The following RAB3C variants were observed in gnomAD, a reference collection of about 807,000 sequenced individuals.
RAB3C encodes the protein ras-related protein Rab-3C.
In RAB3C, 17 loss-of-function variants were observed where a neutral mutation model predicts 26.4. The observed-to-expected ratio is 0.64, with a 90% CI of 0.44 to 0.97. The LOEUF is 0.97. RAB3C is among the 50% of genes least tolerant of loss of function. The pLI is 0.00. For missense variants in RAB3C, 242 were observed against 281.9 expected (o/e 0.86, Z 1.01); for synonymous variants, 91 against 95.9 (o/e 0.95, Z 0.30).
intron 2 of RAB3C, among the ~76,000 whole-genome samples, chr5:58,703,167 T>G (rs1748882033): frequency 6.6e-6 from 1 of 152,144 alleles, no homozygotes; most frequent in African/African-American, 2.4e-5. Context: ...AATAAGATCT[T>G]GTTTATTCTT....
chr5:58,805,660 C>T lies in RAB3C; in HGVS notation c.372-19378C>T, dbSNP rs1318545132. 2.0e-5 allele frequency among the ~76,000 whole-genome samples: 3 copies of T among 148,292 alleles called. No homozygotes were observed. In the East Asian group the frequency reaches 5.9e-4, roughly 29 times the overall value. ...AAGAGATAGTATTCAAGGCAGAGAA[C>T]ATAGAAAAATGTTCCCAGATGATGA... is the stretch of plus-strand genomic sequence containing the variant. On this transcript the variant is annotated intron_variant, in intron 3 of 4. Coordinates refer to ENST00000282878, the MANE Select transcript of RAB3C (RefSeq NM_138453.4).
intron 3 of RAB3C, among the ~76,000 whole-genome samples, chr5:58,747,095 C>A (rs1208772975): frequency 6.6e-6 from 1 of 152,166 alleles, no homozygotes; most frequent in Non-Finnish European, 1.5e-5. Context: ...CCAGAACCAA[C>A]AACAAAATCT....
intron 2 of RAB3C, among the ~76,000 whole-genome samples, chr5:58,619,533 C>T (rs1419738392): frequency 6.6e-6 from 1 of 152,180 alleles, no homozygotes; most frequent in East Asian, 1.9e-4. Flanking sequence ...TCCCTTAACT[C>T]CATGACAATG....
At chr5:58,762,808 A>G (rs1741826215) in intron 3 of RAB3C, among the ~76,000 whole-genome samples, 1 of 152,210 alleles carries the variant, frequency 6.6e-6, no homozygotes, top group South Asian at 2.1e-4. Context: ...ATAACTAGCC[A>G]TCTGAGGAAA....
chr5:58,677,969 G>T (rs1445570100), intron 2 of RAB3C, among the ~76,000 whole-genome samples: 7 of 82,850 alleles, frequency 8.4e-5, no homozygotes, highest in African/African-American at 3.0e-4. Flanking sequence ...GTAGTAGCTA[G>T]ATTATTTTGT....
chr5:58,649,373 T>A (rs1206341333), intron 2 of RAB3C, among the ~76,000 whole-genome samples: 1 of 152,068 alleles, frequency 6.6e-6, no homozygotes, highest in Non-Finnish European at 1.5e-5. Context: ...CCAAACTCAC[T>A]GGCACTAACT....
intron 1 of RAB3C, among the ~76,000 whole-genome samples, chr5:58,616,636 C>G (rs1008567111): frequency 2.0e-5 from 3 of 152,148 alleles, no homozygotes; most frequent in Admixed American, 1.3e-4. Context: ...TATCGCTTTA[C>G]AGCTGTATCA....
At chr5:58,825,373 A>G (rs759889699) in intron 4 of RAB3C, among the ~76,000 whole-genome samples, 6 of 152,180 alleles carry the variant, frequency 3.9e-5, no homozygotes, top group Non-Finnish European at 8.8e-5. Flanking sequence ...AGAAGCAAAA[A>G]TGATACTCAG....
intron 2 of RAB3C, among the ~76,000 whole-genome samples, chr5:58,641,851 T>C (rs899563498): frequency 1.8e-4 from 28 of 152,230 alleles, no homozygotes; most frequent in African/African-American, 6.8e-4. Context: ...TTTTCTCCAC[T>C]TTTTGTTTTA....
intron 3 of RAB3C, among the ~76,000 whole-genome samples, chr5:58,821,366 A>G (rs1743337993): frequency 6.6e-6 from 1 of 152,238 alleles, no homozygotes; most frequent in African/African-American, 2.4e-5. Flanking sequence ...AATTACATGA[A>G]GAAATCTGAT....
intron 2 of RAB3C, among the ~76,000 whole-genome samples, chr5:58,646,598 G>A (rs946127266): frequency 1.2e-4 from 19 of 152,080 alleles, no homozygotes; most frequent in African/African-American, 4.1e-4. Context: ...TTTCACTGGT[G>A]TACACTAAGC....
rs767623210 is a variant in RAB3C, at chr5:58,853,905, C to T, written c.*2554C>T. On this transcript the variant is annotated 3_prime_UTR_variant, in exon 5 of 5. Coordinates refer to ENST00000282878, the MANE Select transcript of RAB3C (RefSeq NM_138453.4). ...CCTGCTGTAATTGCATCAAAAAATC[C>T]GGGTTTTAACATCAAATTTGGCAAA... The T allele has an allele frequency of 3.9e-5, 6 of 151,974 alleles. No homozygotes were observed. Among genetic ancestry groups the T allele is most frequent in the Non-Finnish European group, 7.4e-5 (5 of 67,978 alleles). 9.4% of individuals were successfully genotyped at this position (151,974 alleles called of 1,614,324 possible). A position where few individuals can be genotyped will look rare whatever the true frequency, so the allele number is the denominator to read the frequency against.
chr5:58,833,208 A>G (rs1561145946), intron 4 of RAB3C, among the ~76,000 whole-genome samples: 2 of 152,218 alleles, frequency 1.3e-5, no homozygotes, highest in Non-Finnish European at 2.9e-5. Flanking sequence ...AGAGATTCCA[A>G]TAAGAAGCTG....
rs146646104 is a variant in RAB3C at position 58,722,178 on chromosome 5, A to G, written c.253-3824A>G. Among the ~76,000 whole-genome samples, 68 of 151,998 alleles carry G rather than the reference A, an allele frequency of 4.5e-4. No homozygotes were observed. The Middle Eastern group carries it at 0.02, about 46-fold the overall frequency. The stretch of plus-strand genomic sequence containing the variant: ...CATCTTATGAAAATGGGACACCATC[A>G]CTGGAAGAGGTCAAGAAGGAAGAGA... On this transcript the variant is annotated intron_variant, in intron 2 of 4. Coordinates refer to ENST00000282878, the MANE Select transcript of RAB3C (RefSeq NM_138453.4).
At chr5:58,604,952 G>T (rs927501514) in intron 1 of RAB3C, among the ~76,000 whole-genome samples, 3 of 152,124 alleles carry the variant, frequency 2.0e-5, no homozygotes, top group African/African-American at 7.2e-5. Context: ...GGCAGGAATG[G>T]GCTGCTTGGG....
intron 3 of RAB3C, among the ~76,000 whole-genome samples, chr5:58,737,457 T>G: frequency 7.7e-6 from 1 of 130,530 alleles, no homozygotes; most frequent in Non-Finnish European, 1.6e-5. Flanking sequence ...ATAATTTACT[T>G]GTTTACTGTG....
chr5:58,726,986 G>A (rs1460727970), intron 3 of RAB3C, among the ~76,000 whole-genome samples: 4 of 151,954 alleles, frequency 2.6e-5, no homozygotes, highest in Non-Finnish European at 5.9e-5. Flanking sequence ...GGAAGGAAAT[G>A]GAGCTCCCAA....
chr5:58,726,469 C>T (rs1405722395), intron 3 of RAB3C, among the ~76,000 whole-genome samples: 1 of 151,896 alleles, frequency 6.6e-6, no homozygotes, highest in Non-Finnish European at 1.5e-5. Flanking sequence ...GAAACTATGG[C>T]TCTTGCGCCA....
chr5:58,634,340 T>C (rs773278417), intron 2 of RAB3C, among the ~76,000 whole-genome samples: 3 of 152,146 alleles, frequency 2.0e-5, no homozygotes, highest in African/African-American at 4.8e-5. Context: ...CAGAAGCAAG[T>C]GTAGCATTCT....
Sources: gnomAD v4.1 joint callset for allele counts (sites outside exome capture counted in the v4.1 genomes callset) on GRCh38, gnomAD v4.1.1 for gene constraint, MANE v1.5 for transcripts, NCBI Gene and HGNC (gene_info 2026-07-23, HGNC 2026-07-21) for gene names.